Variants in FRAS1 observed in about 807,000 individuals in gnomAD.
FRAS1 encodes Fraser extracellular matrix complex subunit 1.
FRAS1 carries 290 observed loss-of-function variants against 435.2 expected under a neutral mutation model. That is an observed-to-expected ratio of 0.67 (90% CI 0.61 to 0.73). The LOEUF (loss-of-function observed/expected upper bound fraction) is 0.73. FRAS1 is among the 30% of genes least tolerant of loss of function. The pLI is 0.00. For missense variants in FRAS1, 4,860 were observed against 5,001.5 expected (o/e 0.97, Z 0.85); for synonymous variants, 1,800 against 1,851.0 (o/e 0.97, Z 0.71).
chr4:78,463,906 A>C lies in FRAS1; in HGVS notation c.6764-115A>C, dbSNP rs1214474552. On this transcript the variant is annotated intron_variant, in intron 47 of 73. Coordinates refer to ENST00000512123, the MANE Select transcript of FRAS1 (RefSeq NM_025074.7). Reference sequence around the variant, plus strand: ...TCCTCAAGTGGAGGAAATAAATGCTATAAGAAAAATACAAAGGACTCTCTA... The same window carrying C: ...TCCTCAAGTGGAGGAAATAAATGCTCTAAGAAAAATACAAAGGACTCTCTA... The C allele has an allele frequency of 6.1e-6, 7 of 1,146,272 alleles. No homozygotes were observed. In the South Asian group the frequency reaches 9.6e-5, roughly 16 times the overall value. The allele number at this position is 1,146,272 out of a possible 1,614,324, so 71.0% of individuals were successfully genotyped here.
rs1721190304 is a variant in FRAS1 at position 78,515,801 on chromosome 4, G to GCCA, written c.10178_10179insCAC (p.Ala3393_Gly3394insThr). On this transcript the variant is annotated inframe_insertion, in exon 66 of 74. Transcript: ENST00000512123. ...CCTTGTTCTTCCCTCCCTGGCAGAGGCAGGGTTCCTGGATGATGTGGTCTA... is the reference window on the plus strand; with the variant it reads ...CCTTGTTCTTCCCTCCCTGGCAGAGGCCACAGGGTTCCTGGATGATGTGGTCTA... 1 of 1,613,286 alleles carries GCCA rather than the reference G, an allele frequency of 6.2e-7. No homozygotes were observed. The highest frequency in any genetic ancestry group is 8.5e-7 in the Non-Finnish European group (1 of 1,179,696).
intron 34 of FRAS1, among the ~76,000 whole-genome samples, chr4:78,422,606 G>A (rs1418992091): frequency 6.6e-6 from 1 of 152,174 alleles, no homozygotes; most frequent in African/African-American, 2.4e-5. Flanking sequence ...TGTCTGAAAT[G>A]TGAAGGGTCA....
At chr4:78,518,724 G>A (rs2109891811) in intron 66 of FRAS1, among the ~76,000 whole-genome samples, 1 of 152,216 alleles carries the variant, frequency 6.6e-6, no homozygotes, top group Non-Finnish European at 1.5e-5. Flanking sequence ...GCATAGCATG[G>A]GACAGGAAAT....
chr4:78,418,469 G>A (rs546851173), intron 32 of FRAS1, among the ~76,000 whole-genome samples: 1 of 152,166 alleles, frequency 6.6e-6, no homozygotes, highest in South Asian at 2.1e-4. Context: ...ATTCAACTTA[G>A]CCCATTAAGT....
intron 2 of FRAS1, among the ~76,000 whole-genome samples, chr4:78,079,823 A>G (rs2109873512): frequency 6.6e-6 from 1 of 152,200 alleles, no homozygotes; most frequent in South Asian, 2.1e-4. Context: ...CTCAATGGGG[A>G]AGAAGAAACC....
intron 2 of FRAS1, among the ~76,000 whole-genome samples, chr4:78,231,395 T>C (rs1018274319): frequency 6.6e-6 from 1 of 151,922 alleles, no homozygotes; most frequent in African/African-American, 2.4e-5. Context: ...CACACAGAAT[T>C]ATCTACCCCT....
intron 2 of FRAS1, among the ~76,000 whole-genome samples, chr4:78,105,077 G>C (rs1171120285): frequency 6.6e-6 from 1 of 152,042 alleles, no homozygotes; most frequent in African/African-American, 2.4e-5. Context: ...AAAGCCTGCT[G>C]TTCTCCCAAT....
In FRAS1 at chr4:78,057,809, A is replaced by T; in HGVS notation, c.-201A>T. 1 of 571,248 alleles carries T rather than the reference A, an allele frequency of 1.8e-6. No homozygotes were observed. The highest frequency in any genetic ancestry group is 3.1e-6 in the Non-Finnish European group (1 of 321,712). 35.4% of individuals were successfully genotyped at this position (571,248 alleles called of 1,614,324 possible). On this transcript the variant is annotated 5_prime_UTR_variant, in exon 1 of 74. Coordinates refer to ENST00000512123, the MANE Select transcript of FRAS1 (RefSeq NM_025074.7). This position sits in a 1 kb window ranked among gnomAD's most constrained non-coding sequence, Gnocchi z 4.2. ...GCGCTCTCTGCCTGAGCAGCGAGTG[A>T]ATTGAACCCCAGCCCGCTCCGGCGC...
chr4:78,512,664 GACAA>G (rs1452355067), intron 64 of FRAS1, among the ~76,000 whole-genome samples: 2 of 152,344 alleles, frequency 1.3e-5, no homozygotes, highest in Middle Eastern at 3.4e-3. Context: ...GGAGAGGCAA[GACAA>G]ACAGAGTCTG....
rs114499953 is a variant in FRAS1 at position 78,104,823 on chromosome 4, C to T, written c.108+38807C>T. ...TAAGAGCCCTATTCTAGAATTGTAC[C>T]CTTATTCTGTACTTCAGGTCCTGCA... On this transcript the variant is annotated intron_variant, in intron 2 of 73. Transcript: ENST00000512123. 5.9e-3 allele frequency among the ~76,000 whole-genome samples: 902 copies of T among 152,124 alleles called. 11 individuals carry two copies. The highest frequency in any genetic ancestry group is 0.021 in the African/African-American group (868 of 41,486).
At chr4:78,258,621 TTC>T (rs1269824259) in intron 6 of FRAS1, among the ~76,000 whole-genome samples, 1 of 49,074 alleles carries the variant, frequency 2.0e-5, no homozygotes, top group African/African-American at 3.8e-5. Context: ...GATGTTTCTT[TTC>T]TTTTTTTTTT....
chr4:78,467,306 A>G (rs1719562090), intron 50 of FRAS1, among the ~76,000 whole-genome samples: 1 of 152,158 alleles, frequency 6.6e-6, no homozygotes, highest in Admixed American at 6.5e-5. Context: ...TAGATCCCAT[A>G]TATAAGTGAG....
intron 4 of FRAS1, among the ~76,000 whole-genome samples, chr4:78,251,847 A>T (rs1725544933): frequency 6.6e-6 from 1 of 152,178 alleles, no homozygotes; most frequent in South Asian, 2.1e-4. Context: ...GTGCTTGGGT[A>T]CATCATTTCC....
rs569046702 is a variant in FRAS1, at chr4:78,159,324, G to C, written c.109-78186G>C. 2.0e-5 allele frequency among the ~76,000 whole-genome samples: 3 copies of C among 152,260 alleles called. No individual in the cohort carries two copies. In the East Asian group the frequency reaches 5.8e-4, roughly 29 times the overall value. On this transcript the variant is annotated intron_variant, in intron 2 of 73. Coordinates refer to ENST00000512123, the MANE Select transcript of FRAS1 (RefSeq NM_025074.7). ...CCAAGGAAAGCAAATAGAAAAAGTG[G>C]GATGGTGTGGATACAAGAGTGAGTA... is the stretch of plus-strand genomic sequence containing the variant.
rs183409328 is a variant in FRAS1, at chr4:78,271,329, T to G, written c.981+3897T>G. On this transcript the variant is annotated intron_variant, in intron 9 of 73. Coordinates refer to ENST00000512123, the MANE Select transcript of FRAS1 (RefSeq NM_025074.7). ...TGTTTTCTCCATTAATTTTTTTTATTATACTTTAAGTTCTGGGGTGCATGT... is the reference window on the plus strand; with the variant it reads ...TGTTTTCTCCATTAATTTTTTTTATGATACTTTAAGTTCTGGGGTGCATGT... Among the ~76,000 whole-genome samples the G allele has an allele frequency of 3.3e-5, 5 of 152,314 alleles. No homozygotes were observed. In the East Asian group the frequency reaches 7.7e-4, roughly 23 times the overall value.
intron 45 of FRAS1, 25 bp from the exon 46 acceptor site, chr4:78,451,747 T>A: frequency 6.4e-7 from 1 of 1,565,874 alleles, no homozygotes; most frequent in South Asian, 1.2e-5. Context: ...TAATAGCAAA[T>A]CTTGATTTTT....
chr4:78,270,281 A>G (rs529535906), intron 9 of FRAS1, among the ~76,000 whole-genome samples: 2 of 152,168 alleles, frequency 1.3e-5, no homozygotes, highest in Non-Finnish European at 2.9e-5. Flanking sequence ...TTGAAGGTCA[A>G]CAGCCTTTCT....
intron 68 of FRAS1, 72 bp from the exon 69 acceptor site, chr4:78,522,577 G>C: frequency 7.8e-7 from 1 of 1,285,968 alleles, no homozygotes; most frequent in Non-Finnish European, 1.1e-6. Flanking sequence ...CTTTTGTGGG[G>C]CTCTACCAGG....
intron 38 of FRAS1, among the ~76,000 whole-genome samples, chr4:78,433,903 A>G (rs543858559): frequency 6.6e-6 from 1 of 152,340 alleles, no homozygotes; most frequent in South Asian, 2.1e-4. Flanking sequence ...GCAACTGAAT[A>G]TGTATTTTCA....
Sources: allele counts gnomAD v4.1 joint callset (sites outside exome capture counted in the v4.1 genomes callset), GRCh38; gene constraint gnomAD v4.1.1; non-coding constraint Gnocchi (gnomAD v3.1); transcripts MANE v1.5; gene names NCBI Gene and HGNC (gene_info 2026-07-23, HGNC 2026-07-21).